Variants in OR5K4 observed in about 807,000 individuals in gnomAD.
The protein encoded by OR5K4 is olfactory receptor family 5 subfamily K member 4.
OR5K4 carries 16 observed loss-of-function variants against 11.8 expected under a neutral mutation model. The ratio of observed to expected loss-of-function variants is 1.36; its 90% CI spans 0.92 to 2.06. The LOEUF is 2.06. OR5K4 is among the 30% of genes most tolerant of loss of function. The probability of loss-of-function intolerance (pLI) is 0.00; values close to 1 mark genes in which losing one functional copy is unlikely to be tolerated. For synonymous variants in OR5K4, 152 were observed against 135.1 expected (o/e 1.12, Z -0.87); for missense variants, 442 against 386.9 (o/e 1.14, Z -1.19).
Position 98,354,187 on chromosome 3 carries a change from T to G in OR5K4, c.334T>G (p.Cys112Gly). The G allele has an allele frequency of 6.2e-7, 1 of 1,614,232 alleles. No individual in the cohort carries two copies. Among genetic ancestry groups the G allele is most frequent in the Non-Finnish European group, 8.5e-7 (1 of 1,180,038 alleles). ...YFLCLAETTD[C>G]FLLATMAYDR... ...TCTCTGTCTTGCTGAAACCACAGAC[T>G]GCTTTCTTCTGGCGACAATGGCCTA... The change falls in exon 1 of 1, where the codon TGC (cysteine) becomes GGC (glycine). Residue 112 changes from cysteine (C) to glycine (G), a missense_variant. Physicochemically the swap from Cys to Gly is radical, Grantham distance 159. Coordinates refer to ENST00000354924, the MANE Select transcript of OR5K4 (RefSeq NM_001005517.1).
chr3:98,354,720 G>A lies in OR5K4; in HGVS notation c.867G>A (p.Leu289=), dbSNP rs527466858. ...IPLLNPFIYS[L]RNKEVINVLK... Reference sequence around the variant, plus strand: ...TACTAAACCCTTTTATTTATAGTCTGAGAAATAAGGAGGTCATAAATGTTC... The same window carrying A: ...TACTAAACCCTTTTATTTATAGTCTAAGAAATAAGGAGGTCATAAATGTTC... The change falls in exon 1 of 1, where the codon CTG becomes CTA. Residue 289 remains leucine (L), a synonymous_variant. Coordinates refer to ENST00000354924, the MANE Select transcript of OR5K4 (RefSeq NM_001005517.1). The A allele has an allele frequency of 1.3e-5, 20 of 1,582,940 alleles. No homozygotes were observed. In the Admixed American group the frequency reaches 1.9e-4, roughly 15 times the overall value.
At position 98,353,882 on chromosome 3, in the gene OR5K4, C is replaced by A. The variant is rs1707025213; in HGVS notation, c.29C>A (p.Ala10Asp). ...GCTAGGGAAAATCACTCCTTAGCAG[C>A]TGAATTCATCCTCATAGGATTTACA... MARENHSLA[A>D]EFILIGFTNY... Residue 10 changes from alanine (A) to aspartate (D), a missense_variant, in exon 1 of 1, where the codon GCT (alanine) becomes GAT (aspartate). Coordinates refer to ENST00000354924, the MANE Select transcript of OR5K4 (RefSeq NM_001005517.1). 1 of 1,611,674 alleles carries A rather than the reference C, an allele frequency of 6.2e-7. No individual in the cohort carries two copies.
At position 98,354,797 on chromosome 3, in the gene OR5K4, C is replaced by A. The variant is rs775372930; in HGVS notation, c.944C>A (p.Ala315Glu). 95 of 1,272,498 alleles carry A rather than the reference C, an allele frequency of 7.5e-5. 1 individual carries two copies. The African/African-American group carries it at 1.2e-3, about 15-fold the overall frequency. The allele number at this position is 1,272,498 out of a possible 1,614,324, so 78.8% of individuals were successfully genotyped here. Residue 315 changes from alanine (A) to glutamate (E), a missense_variant, in exon 1 of 1, where the codon GCA (alanine) becomes GAA (glutamate). Coordinates refer to ENST00000354924, the MANE Select transcript of OR5K4 (RefSeq NM_001005517.1). ...YNILKQTCSI[A>E]NLFLIY ...ATTCTTAAACAAACTTGCTCTATAG[C>A]AAATTTATTTTTAATTTATTAAAAT...
At position 98,354,401 on chromosome 3, in the gene OR5K4, C is replaced by T. The variant is rs267599956; in HGVS notation, c.548C>T (p.Pro183Leu). 20 of 1,612,428 alleles carry T rather than the reference C, an allele frequency of 1.2e-5. No homozygotes were observed. Among genetic ancestry groups the T allele is most frequent in the Non-Finnish European group, 1.6e-5 (19 of 1,178,566 alleles). The change falls in exon 1 of 1, where the codon CCA becomes CTA. Residue 183 changes from proline to leucine, a missense_variant. By Grantham distance (98) the Pro-to-Leu change is moderately conservative (BLOSUM62 -3). Transcript: ENST00000354924. ...KIHHFFCDIL[P>L]LYRLSCTDPS... ...CACCACTTTTTCTGTGATATTCTTC[C>T]ACTGTATAGACTCTCCTGTACAGAT...
Position 98,354,667 on chromosome 3 carries a change from G to A in OR5K4, c.814G>A (p.Ala272Thr), listed in dbSNP as rs753713175. Residue 272 changes from alanine (A) to threonine (T), a missense_variant, in exon 1 of 1, where the codon GCA becomes ACA. Coordinates refer to ENST00000354924, the MANE Select transcript of OR5K4 (RefSeq NM_001005517.1). Reference protein sequence around the residue: ...SEEGDKDTPVAIFYAIVIPLL... With the variant: ...SEEGDKDTPVTIFYAIVIPLL... ...AGAAGGAGATAAAGATACACCAGTGGCAATATTTTATGCAATAGTAATCCC... is the reference window on the plus strand; with the variant it reads ...AGAAGGAGATAAAGATACACCAGTGACAATATTTTATGCAATAGTAATCCC... The A allele has an allele frequency of 1.2e-6, 2 of 1,610,322 alleles. No homozygotes were observed. Among genetic ancestry groups the A allele is most frequent in the East Asian group, 4.5e-5 (2 of 44,816 alleles).
Position 98,354,718 on chromosome 3 carries a change from C to G in OR5K4, c.865C>G (p.Leu289Val), listed in dbSNP as rs756545339. 1.9e-6 allele frequency: 3 copies of G among 1,591,152 alleles called. No individual in the cohort carries two copies. Among genetic ancestry groups the G allele is most frequent in the Non-Finnish European group, 2.6e-6 (3 of 1,163,376 alleles). ...ATTACTAAACCCTTTTATTTATAGT[C>G]TGAGAAATAAGGAGGTCATAAATGT... is the stretch of plus-strand genomic sequence containing the variant. ...IPLLNPFIYS[L>V]RNKEVINVLK... The change falls in exon 1 of 1, where the codon CTG becomes GTG. Residue 289 changes from leucine (L) to valine (V), a missense_variant. By Grantham distance (32) the Leu-to-Val change is conservative. Coordinates refer to ENST00000354924, the MANE Select transcript of OR5K4 (RefSeq NM_001005517.1).
rs769114752 is a variant in OR5K4 at position 98,353,939 on chromosome 3, T to C, written c.86T>C (p.Val29Ala). 1.4e-5 allele frequency: 22 copies of C among 1,614,182 alleles called. No individual in the cohort carries two copies. The East Asian group carries it at 2.0e-4, about 15-fold the overall frequency. ...NYPELKTLLF[V>A]VFSAIYLVTM... Reference sequence around the variant, plus strand: ...CCAGAGCTGAAGACGCTTCTGTTTGTGGTGTTCTCTGCCATCTATCTGGTC... The same window carrying C: ...CCAGAGCTGAAGACGCTTCTGTTTGCGGTGTTCTCTGCCATCTATCTGGTC... Residue 29 changes from valine (V) to alanine (A), a missense_variant, in exon 1 of 1, where the codon GTG becomes GCG. Physicochemically the swap from Val to Ala is moderately conservative, Grantham distance 64. Transcript: ENST00000354924.
At position 98,354,069 on chromosome 3, in the gene OR5K4, C is replaced by T. The variant is rs767409111; in HGVS notation, c.216C>T (p.Cys72=). Residue 72 remains cysteine, a synonymous_variant, in exon 1 of 1, where the codon TGC becomes TGT. Coordinates refer to ENST00000354924, the MANE Select transcript of OR5K4 (RefSeq NM_001005517.1). The part of the protein sequence containing the change: ...FLGNLALMDS[C]CSCAVTPKML... ...GCAACCTGGCTCTGATGGATTCCTGCTGTTCCTGTGCTGTTACCCCCAAGA... is the reference window on the plus strand; with the variant it reads ...GCAACCTGGCTCTGATGGATTCCTGTTGTTCCTGTGCTGTTACCCCCAAGA... 42 of 1,613,920 alleles carry T rather than the reference C, an allele frequency of 2.6e-5. No homozygotes were observed. The highest frequency in any genetic ancestry group is 3.6e-5 in the Non-Finnish European group (42 of 1,179,984).
chr3:98,354,527 T>C lies in OR5K4; in HGVS notation c.674T>C (p.Val225Ala). The change falls in exon 1 of 1, where the codon GTT (valine) becomes GCT (alanine). Residue 225 changes from valine to alanine, a missense_variant. Transcript: ENST00000354924. ...TCTTATCTCTGCATCCTTTTGACTG[T>C]TTTCAAAATGAAATCCAAGGAGGGA... ...LISYLCILLT[V>A]FKMKSKEGRG... The C allele has an allele frequency of 6.2e-7, 1 of 1,613,538 alleles. No individual in the cohort carries two copies. Among genetic ancestry groups the C allele is most frequent in the Non-Finnish European group, 8.5e-7 (1 of 1,179,494 alleles).
Position 98,354,758 on chromosome 3 carries a change from T to C in OR5K4, c.905T>C (p.Met302Thr). Residue 302 changes from methionine to threonine, a missense_variant, in exon 1 of 1, where the codon ATG (methionine) becomes ACG (threonine). Physicochemically the swap from Met to Thr is moderately conservative, Grantham distance 81. Transcript: ENST00000354924. ...KEVINVLKKI[M>T]RNYNILKQTC... Reference sequence around the variant, plus strand: ...GTCATAAATGTTCTTAAAAAAATTATGAGGAATTATAACATTCTTAAACAA... The same window carrying C: ...GTCATAAATGTTCTTAAAAAAATTACGAGGAATTATAACATTCTTAAACAA... The C allele has an allele frequency of 6.7e-7, 1 of 1,492,428 alleles. No homozygotes were observed. The highest frequency in any genetic ancestry group is 1.2e-5 in the South Asian group (1 of 82,376). 92.4% of individuals were successfully genotyped at this position (1,492,428 alleles called of 1,614,324 possible).
At position 98,354,200 on chromosome 3, in the gene OR5K4, C is replaced by T. The variant is rs185693146; in HGVS notation, c.347C>T (p.Ala116Val). ...GAAACCACAGACTGCTTTCTTCTGG[C>T]GACAATGGCCTATGACCGCTATGTG... The part of the protein sequence containing the change: ...LAETTDCFLL[A>V]TMAYDRYVAI... The change falls in exon 1 of 1, where the codon GCG (alanine) becomes GTG (valine). Residue 116 changes from alanine (A) to valine (V), a missense_variant. Ala to Val is a moderately conservative substitution (Grantham distance 64, BLOSUM62 0). Coordinates refer to ENST00000354924, the MANE Select transcript of OR5K4 (RefSeq NM_001005517.1). 5.6e-5 allele frequency: 90 copies of T among 1,614,152 alleles called. No homozygotes were observed. The highest frequency in any genetic ancestry group is 9.3e-5 in the African/African-American group (7 of 75,028).
At position 98,354,689 on chromosome 3, in the gene OR5K4, TCCCATTACTAAA is replaced by T; in HGVS notation, c.840_851del (p.Leu281_Pro284del). The T allele has an allele frequency of 6.2e-7, 1 of 1,607,602 alleles. No individual in the cohort carries two copies. On this transcript the variant is annotated inframe_deletion, in exon 1 of 1. Coordinates refer to ENST00000354924, the MANE Select transcript of OR5K4 (RefSeq NM_001005517.1). ...GTGGCAATATTTTATGCAATAGTAA[TCCCATTACTAAA>T]CCCTTTTATTTATAGTCTGAGAAAT...
rs140109788 is a variant in OR5K4 at position 98,354,221 on chromosome 3, A to C, written c.368A>C (p.Tyr123Ser). ...FLLATMAYDR[Y>S]VAICHPLQYH... ...CTGGCGACAATGGCCTATGACCGCT[A>C]TGTGGCCATATGCCACCCACTGCAG... Residue 123 changes from tyrosine (Y) to serine (S), a missense_variant, in exon 1 of 1, where the codon TAT becomes TCT. By Grantham distance (144) the Tyr-to-Ser change is moderately radical. Coordinates refer to ENST00000354924, the MANE Select transcript of OR5K4 (RefSeq NM_001005517.1). 6.2e-7 allele frequency: 1 copy of C among 1,614,210 alleles called. No individual in the cohort carries two copies. Among genetic ancestry groups the C allele is most frequent in the East Asian group, 2.2e-5 (1 of 44,870 alleles).
Sources: allele counts gnomAD v4.1 joint callset, GRCh38; gene constraint gnomAD v4.1.1; transcripts MANE v1.5; gene names NCBI Gene and HGNC (gene_info 2026-07-23, HGNC 2026-07-21).